Variants in NFIA observed in about 807,000 individuals in gnomAD.
NFIA encodes the protein nuclear factor I A, also known as nuclear factor 1 A-type.
A neutral mutation model predicts 62.8 loss-of-function variants in NFIA; 8 were observed. The ratio of observed to expected loss-of-function variants is 0.13; its 90% confidence interval spans 0.07 to 0.23. The LOEUF is 0.23. Ranked by LOEUF, NFIA falls within the 10% of genes least tolerant of loss-of-function variation. NFIA has a pLI of 1.00. For synonymous variants in NFIA, 235 were observed against 238.1 expected (o/e 0.99, Z 0.12); for missense variants, 410 against 642.1 (o/e 0.64, Z 3.91).
upstream of NFIA, among the ~76,000 whole-genome samples, chr1:61,081,482 T>C (rs1346810488): frequency 6.6e-6 from 1 of 152,144 alleles, no homozygotes; most frequent in Admixed American, 6.5e-5. Context: ...CTATGTCCAG[T>C]TCTGGGCACG....
At chr1:61,189,686 C>T (rs1449879566) in intron 2 of NFIA, among the ~76,000 whole-genome samples, 1 of 151,922 alleles carries the variant, frequency 6.6e-6, no homozygotes, top group Non-Finnish European at 1.5e-5. Flanking sequence ...ATAAAAAAGG[C>T]TGCCATAGGT....
intron 2 of NFIA, among the ~76,000 whole-genome samples, chr1:61,230,928 G>C (rs902240087): frequency 2.0e-5 from 3 of 152,288 alleles, no homozygotes; most frequent in Admixed American, 2.0e-4. Context: ...TTTACATTCA[G>C]TTTAGGCATT....
At chr1:61,153,163 C>T (rs72664847) in intron 2 of NFIA, among the ~76,000 whole-genome samples, 2,944 of 152,288 alleles carry the variant, frequency 0.019, 51 homozygotes, top group Non-Finnish European at 0.028. Flanking sequence ...TGAATACTGC[C>T]GGCACAGTGT....
chr1:61,226,591 G>T (rs1053082012), intron 2 of NFIA, among the ~76,000 whole-genome samples: 2 of 152,132 alleles, frequency 1.3e-5, no homozygotes, highest in Non-Finnish European at 2.9e-5. Context: ...GATCTGCAAA[G>T]TCTCCTCCCA....
chr1:61,315,794 G>A (rs1660337079), intron 3 of NFIA, among the ~76,000 whole-genome samples: 2 of 152,152 alleles, frequency 1.3e-5, no homozygotes, highest in Admixed American at 1.3e-4. Context: ...GGTCATTTTG[G>A]TGCTGTGTCT....
chr1:61,148,940 C>G (rs1648204413), intron 2 of NFIA, among the ~76,000 whole-genome samples: 1 of 152,114 alleles, frequency 6.6e-6, no homozygotes, highest in Non-Finnish European at 1.5e-5. Context: ...TGGCACGATC[C>G]TAGCTCACTA....
chr1:61,352,684 A>G, intron 5 of NFIA, 117 bp downstream of exon 5: 1 of 851,432 alleles, frequency 1.2e-6, no homozygotes. Context: ...ATAACAAAGT[A>G]GTGGGTTCAG....
rs543009678 is a variant in NFIA at position 61,161,760 on chromosome 1, C to T, written c.559+73080C>T. On this transcript the variant is annotated intron_variant, in intron 2 of 10. Transcript: ENST00000403491. ...ACATTTATATATACACACACACACA[C>T]CCCTCTATAATCCTGTATACTTAAA... Among the ~76,000 whole-genome samples, 1,326 of 152,210 alleles carry T rather than the reference C, an allele frequency of 8.7e-3. 24 individuals are homozygous for T. The highest frequency in any genetic ancestry group is 0.027 in the African/African-American group (1,113 of 41,522).
intron 3 of NFIA, among the ~76,000 whole-genome samples, chr1:61,304,752 A>G (rs989425820): frequency 1.3e-5 from 2 of 152,162 alleles, no homozygotes; most frequent in Non-Finnish European, 2.9e-5. Context: ...GCTCCCTGAG[A>G]TACCCAGCTG....
At chr1:61,188,794 A>G (rs1311045645) in intron 2 of NFIA, among the ~76,000 whole-genome samples, 1 of 152,160 alleles carries the variant, frequency 6.6e-6, no homozygotes, top group Non-Finnish European at 1.5e-5. Flanking sequence ...ACCAGGTCAT[A>G]CCTAATTTGT....
chr1:61,403,953 A>G, intron 7 of NFIA, 151 bp from the exon 8 acceptor site: 1 of 830,250 alleles, frequency 1.2e-6, no homozygotes, highest in Non-Finnish European at 1.9e-6. Flanking sequence ...AAGGAAGAAA[A>G]TCTGTCAGAC....
chr1:61,172,274 A>G (rs570753862), intron 2 of NFIA, among the ~76,000 whole-genome samples: 1 of 149,146 alleles, frequency 6.7e-6, no homozygotes, highest in African/African-American at 2.5e-5. Flanking sequence ...GAAGCAGAGG[A>G]TGGTATCCCC....
intron 2 of NFIA, among the ~76,000 whole-genome samples, chr1:61,240,109 G>A (rs1355074410): frequency 1.3e-5 from 2 of 152,040 alleles, no homozygotes; most frequent in Non-Finnish European, 1.5e-5. Context: ...TTCTAATTTC[G>A]ATCATGGTTT....
At chr1:61,147,740 A>C (rs1239463311) in intron 2 of NFIA, among the ~76,000 whole-genome samples, 2 of 152,128 alleles carry the variant, frequency 1.3e-5, no homozygotes, top group Non-Finnish European at 2.9e-5. Flanking sequence ...AGTAGTGCTT[A>C]ATGATACCAT....
intron 10 of NFIA, among the ~76,000 whole-genome samples, chr1:61,427,688 C>A (rs2100555740): frequency 6.6e-6 from 1 of 152,272 alleles, no homozygotes; most frequent in South Asian, 2.1e-4. Flanking sequence ...CACACTGAAG[C>A]AGGGTCACAG....
chr1:61,332,681 A>G (rs1365824426), intron 4 of NFIA, 95 bp downstream of exon 4: 2 of 985,088 alleles, frequency 2.0e-6, no homozygotes, highest in South Asian at 1.5e-5. Flanking sequence ...AGCTTTCAGA[A>G]TCTCCTTTTC....
chr1:61,093,774 G>A (rs1228988412), intron 2 of NFIA, among the ~76,000 whole-genome samples: 5 of 152,192 alleles, frequency 3.3e-5, no homozygotes, highest in Non-Finnish European at 7.3e-5. Context: ...TGGCTAAGAG[G>A]TTGAGTGTGT....
At chr1:61,364,050 A>G (rs543116753) in intron 6 of NFIA, among the ~76,000 whole-genome samples, 38 of 150,264 alleles carry the variant, frequency 2.5e-4, no homozygotes, top group African/African-American at 8.6e-4. Flanking sequence ...GGTTCAGGTG[A>G]TTCTCCTGCC....
intron 9 of NFIA, among the ~76,000 whole-genome samples, chr1:61,425,218 A>G (rs893054387): frequency 4.6e-5 from 7 of 152,300 alleles, no homozygotes; most frequent in Admixed American, 1.3e-4. Flanking sequence ...TCTGGGCCAG[A>G]TGGTGGAAAT....
Sources: allele counts gnomAD v4.1 joint callset (sites outside exome capture counted in the v4.1 genomes callset), GRCh38; gene constraint gnomAD v4.1.1; transcripts MANE v1.5; gene names NCBI Gene and HGNC (gene_info 2026-07-23, HGNC 2026-07-21).